Variants in PLEKHA8 observed in about 807,000 individuals in gnomAD.
PLEKHA8 encodes the protein pleckstrin homology domain containing A8, also known as pleckstrin homology domain-containing family A member 8.
Under a neutral mutation model 68.2 loss-of-function variants are expected in PLEKHA8, and 36 were observed. The observed-to-expected ratio is 0.53, with a 90% CI of 0.40 to 0.70. PLEKHA8 has a LOEUF of 0.70. Among genes scored for constraint, PLEKHA8 ranks in the 30% least tolerant of loss-of-function variants. The probability of loss-of-function intolerance (pLI) is 0.00; values close to 1 mark genes in which losing one functional copy is unlikely to be tolerated. For missense variants in PLEKHA8, 505 were observed against 615.4 expected, an observed-to-expected ratio of 0.82 and a Z score of 1.90; for synonymous variants, 211 against 216.1, an observed-to-expected ratio of 0.98 and a Z score of 0.20.
chr7:30,089,705 GA>G (rs997426244), intron 12 of PLEKHA8, among the ~76,000 whole-genome samples: 6 of 152,110 alleles, frequency 3.9e-5, no homozygotes, highest in African/African-American at 7.2e-5. Flanking sequence ...AACCAATATG[GA>G]AAAAAAGCTA....
intron 12 of PLEKHA8, among the ~76,000 whole-genome samples, chr7:30,068,032 G>T (rs1261429116): frequency 6.6e-6 from 1 of 152,222 alleles, no homozygotes; most frequent in Non-Finnish European, 1.5e-5. Context: ...GACTGGTCCA[G>T]GGACTCTGGC....
At chr7:30,054,231 C>CGGCAACAA in intron 7 of PLEKHA8, among the ~76,000 whole-genome samples, 1 of 152,198 alleles carries the variant, frequency 6.6e-6, no homozygotes, top group Admixed American at 6.5e-5. Flanking sequence ...TATGTGTGTC[C>CGGCAACAA]GGCAACAAAG....
intron 12 of PLEKHA8, among the ~76,000 whole-genome samples, chr7:30,065,735 AC>A (rs1793801114): frequency 6.6e-6 from 1 of 152,228 alleles, no homozygotes; most frequent in Non-Finnish European, 1.5e-5. Context: ...ACCCAGTGTA[AC>A]TACTACACTA....
chr7:30,092,475 C>T (rs960990458), downstream of PLEKHA8, among the ~76,000 whole-genome samples: 2 of 151,988 alleles, frequency 1.3e-5, no homozygotes, highest in African/African-American at 4.8e-5. Flanking sequence ...GTGGCACTAC[C>T]ATTTCCTTGC....
intron 13 of PLEKHA8, among the ~76,000 whole-genome samples, chr7:30,101,470 G>A (rs1795851707): frequency 2.0e-5 from 3 of 152,144 alleles, no homozygotes; most frequent in African/African-American, 7.2e-5. Flanking sequence ...GTTGCAGACA[G>A]CCACCTTCTT....
At chr7:30,093,006 T>G (rs570594832), downstream of PLEKHA8, among the ~76,000 whole-genome samples, 36 of 152,350 alleles carry the variant, frequency 2.4e-4, no homozygotes, top group African/African-American at 8.7e-4. Flanking sequence ...AGAAGCCTGA[T>G]AAGTTTTCAA....
chr7:30,056,208 G>C lies in PLEKHA8; in HGVS notation c.1039+866G>C, dbSNP rs763080104. On this transcript the variant is annotated intron_variant, in intron 9 of 13. Transcript: ENST00000449726. ...TCCGCCTGCCTTGGCCTCCAAAAGT[G>C]CTGGGATTACAGGTGTGAGCCACCA... is the stretch of plus-strand genomic sequence containing the variant. Among the ~76,000 whole-genome samples, 29 of 148,716 alleles carry C rather than the reference G, an allele frequency of 2.0e-4. No individual in the cohort carries two copies. The South Asian group carries it at 4.1e-3, about 21-fold the overall frequency.
At chr7:30,056,741 AAGTGTGTG>A (rs1792981285) in intron 9 of PLEKHA8, among the ~76,000 whole-genome samples, 1 of 72,196 alleles carries the variant, frequency 1.4e-5, no homozygotes, top group Non-Finnish European at 2.8e-5. Flanking sequence ...AAAAAAAAAA[AAGTGTGTG>A]TGTGTGTGTG....
At chr7:30,062,866 T>C in intron 12 of PLEKHA8, 124 bp downstream of exon 12, 1 of 649,392 alleles carries the variant, frequency 1.5e-6, no homozygotes, top group Non-Finnish European at 2.6e-6. Flanking sequence ...CTTTTCTTAT[T>C]TCATTATTAT....
Position 30,059,441 on chromosome 7 carries a change from A to AT in PLEKHA8, c.1040-1442dup, listed in dbSNP as rs1414024861. Among the ~76,000 whole-genome samples, 3 of 152,086 alleles carry AT rather than the reference A, an allele frequency of 2.0e-5. No homozygotes were observed. The South Asian group carries it at 6.2e-4, about 31-fold the overall frequency. ...TTTTTTCCTGTAATTTGTTAATGTA[A>AT]TGAATTACATTGTTTGGATGAATTT... On this transcript the variant is annotated intron_variant, in intron 9 of 13. Transcript: ENST00000449726.
At chr7:30,056,278 T>TTCTCTCTCTCTC (rs761685260) in intron 9 of PLEKHA8, among the ~76,000 whole-genome samples, 1,742 of 56,296 alleles carry the variant, frequency 0.031, 41 homozygotes, top group Non-Finnish European at 0.047. Flanking sequence ...TAAAGATATA[T>TTCTCTCTCTCTC]TCTCTCTCTC....
chr7:30,082,252 G>A lies in PLEKHA8; in HGVS notation c.*3465G>A, dbSNP rs1182438780. On this transcript the variant is annotated 3_prime_UTR_variant, in exon 14 of 14. Coordinates refer to ENST00000449726, the MANE Select transcript of PLEKHA8 (RefSeq NM_001197026.2). The stretch of plus-strand genomic sequence containing the variant: ...AGGGATTTCTGAACTCCATAGTCCA[G>A]CGTTGTTGCTTTTCTCTCTTCTTTG... 6 of 985,322 alleles carry A rather than the reference G, an allele frequency of 6.1e-6. No homozygotes were observed. The highest frequency in any genetic ancestry group is 1.2e-6 in the Non-Finnish European group (1 of 829,964). The allele number at this position is 985,322 out of a possible 1,614,324, so 61.0% of individuals were successfully genotyped here.
chr7:30,033,881 C>T (rs1370221697), intron 1 of PLEKHA8, among the ~76,000 whole-genome samples: 2 of 151,922 alleles, frequency 1.3e-5, no homozygotes, highest in Non-Finnish European at 2.9e-5. Context: ...ATTTATATTT[C>T]TCTGACTTAA....
intron 9 of PLEKHA8, among the ~76,000 whole-genome samples, chr7:30,056,968 G>A (rs1793042185): frequency 6.9e-6 from 1 of 145,924 alleles, no homozygotes; most frequent in Non-Finnish European, 1.5e-5. Flanking sequence ...AGTTTATTTA[G>A]GTCAAATTCA....
Position 30,028,684 on chromosome 7 carries a change from T to C in PLEKHA8, c.-79T>C. The C allele has an allele frequency of 9.0e-7, 1 of 1,116,500 alleles. No homozygotes were observed. The highest frequency in any genetic ancestry group is 1.1e-6 in the Non-Finnish European group (1 of 875,128). 69.2% of individuals were successfully genotyped at this position (1,116,500 alleles called of 1,614,324 possible). On this transcript the variant is annotated 5_prime_UTR_variant, in exon 1 of 14. Coordinates refer to ENST00000449726, the MANE Select transcript of PLEKHA8 (RefSeq NM_001197026.2). ...TCTGGGCAGCGCCAGGCGATGGCCC[T>C]GCTGCTGGTGCTCCTCGCCTCTTGG...
At chr7:30,072,323 A>G (rs1794289784) in intron 12 of PLEKHA8, among the ~76,000 whole-genome samples, 2 of 152,234 alleles carry the variant, frequency 1.3e-5, no homozygotes, top group South Asian at 2.1e-4. Context: ...TATAAAATAT[A>G]TTGCAATATG....
downstream of PLEKHA8, chr7:30,130,203 A>G (rs1173921596): frequency 1.3e-5 from 2 of 152,234 alleles, no homozygotes; most frequent in Non-Finnish European, 2.9e-5. Context: ...CAGCAAATAT[A>G]ATAGAGACAG....
At chr7:30,110,668 A>G (rs1223184405) in intron 13 of PLEKHA8, among the ~76,000 whole-genome samples, 1 of 152,174 alleles carries the variant, frequency 6.6e-6, no homozygotes, top group Non-Finnish European at 1.5e-5. Context: ...GTTTCTTTAC[A>G]TCCCCATCAA....
At chr7:30,031,436 G>A (rs1307393957) in intron 1 of PLEKHA8, among the ~76,000 whole-genome samples, 8 of 152,160 alleles carry the variant, frequency 5.3e-5, no homozygotes, top group African/African-American at 1.9e-4. Flanking sequence ...GAACTTTTCA[G>A]GCACAGGGAA....
Sources: gnomAD v4.1 joint callset for allele counts (sites outside exome capture counted in the v4.1 genomes callset) on GRCh38, gnomAD v4.1.1 for gene constraint, MANE v1.5 for transcripts, NCBI Gene and HGNC (gene_info 2026-07-23, HGNC 2026-07-21) for gene names.